Variants in NARS2 observed in about 807,000 individuals in gnomAD.
The protein encoded by NARS2 is asparaginyl-tRNA synthetase.
NARS2 carries 60 observed loss-of-function variants against 62.9 expected under a neutral mutation model. The observed-to-expected ratio is 0.95, with a 90% CI of 0.77 to 1.18. The LOEUF (loss-of-function observed/expected upper bound fraction) is 1.18, where lower values mean the gene tolerates loss of function less well. NARS2 is among the 50% of genes most tolerant of loss of function. The probability of loss-of-function intolerance (pLI) is 0.00; values close to 1 mark genes in which losing one functional copy is unlikely to be tolerated. For missense variants in NARS2, 619 were observed against 576.4 expected, an observed-to-expected ratio of 1.07 and a Z score of -0.76; for synonymous variants, 196 against 200.0, an observed-to-expected ratio of 0.98 and a Z score of 0.17.
chr11:78,540,118 AT>A (rs1241382139), intron 5 of NARS2, among the ~76,000 whole-genome samples: 2 of 152,164 alleles, frequency 1.3e-5, no homozygotes, highest in Non-Finnish European at 2.9e-5. Context: ...CAAAACAAAA[AT>A]TTTTGCTAGG....
intron 4 of NARS2, among the ~76,000 whole-genome samples, chr11:78,560,833 T>C (rs1017860644): frequency 3.9e-5 from 6 of 152,118 alleles, no homozygotes; most frequent in African/African-American, 1.2e-4. Flanking sequence ...TAAAATCTGA[T>C]CAATAACATT....
chr11:78,469,246 C>T lies in NARS2; in HGVS notation c.1026+1G>A. On this transcript the variant is annotated splice_donor_variant, in intron 10 of 13. Coordinates refer to ENST00000281038, the MANE Select transcript of NARS2 (RefSeq NM_024678.6). LOFTEE classifies it high-confidence loss of function. ...ATATATACATACACACAAAATACTA[C>T]CTCTGGGGTAAAGGTGAAGTTCTGG... 1.9e-6 allele frequency: 3 copies of T among 1,602,226 alleles called. No individual in the cohort carries two copies. Among genetic ancestry groups the T allele is most frequent in the East Asian group, 2.2e-5 (1 of 44,756 alleles).
At chr11:78,504,216 C>G (rs541154085) in intron 6 of NARS2, among the ~76,000 whole-genome samples, 2 of 152,282 alleles carry the variant, frequency 1.3e-5, no homozygotes, top group Admixed American at 1.3e-4. Context: ...AGAATAATTA[C>G]CCAGTTGAAG....
At chr11:78,572,008 C>T (rs1259759223) in intron 1 of NARS2, among the ~76,000 whole-genome samples, 1 of 151,994 alleles carries the variant, frequency 6.6e-6, no homozygotes, top group African/African-American at 2.4e-5. Context: ...ATGGTGAAAC[C>T]CTGTCTCTAC....
chr11:78,439,870 T>C (rs2135131502), intron 13 of NARS2, among the ~76,000 whole-genome samples: 1 of 152,222 alleles, frequency 6.6e-6, no homozygotes, highest in East Asian at 1.9e-4. Flanking sequence ...GAAAAGTACT[T>C]GAAGAAAAAG....
chr11:78,494,793 T>G (rs1483057949), intron 6 of NARS2, among the ~76,000 whole-genome samples: 1 of 152,192 alleles, frequency 6.6e-6, no homozygotes, highest in Non-Finnish European at 1.5e-5. Context: ...AATGAAAATT[T>G]TGACCCTGTT....
chr11:78,573,644 C>A (rs1370980932), intron 1 of NARS2: 1 of 152,274 alleles, frequency 6.6e-6, no homozygotes, highest in Non-Finnish European at 1.5e-5. Context: ...ATAATATAAT[C>A]AGCAAGAGAA....
At chr11:78,527,295 A>C (rs947574369) in intron 6 of NARS2, among the ~76,000 whole-genome samples, 3 of 152,312 alleles carry the variant, frequency 2.0e-5, no homozygotes, top group Middle Eastern at 6.8e-3. Context: ...GAAAACTTTG[A>C]TACAAATTCA....
At chr11:78,461,096 G>A (rs1019889104) in intron 11 of NARS2, among the ~76,000 whole-genome samples, 11 of 152,154 alleles carry the variant, frequency 7.2e-5, no homozygotes, top group Middle Eastern at 3.2e-3. Flanking sequence ...TATCTGAGAG[G>A]GGGCTAGTGG....
intron 10 of NARS2, among the ~76,000 whole-genome samples, chr11:78,468,677 T>A (rs1858737581): frequency 1.3e-5 from 2 of 152,106 alleles, no homozygotes; most frequent in South Asian, 4.1e-4. Flanking sequence ...GTACTGGGAT[T>A]ACAGGTGTGA....
chr11:78,460,698 T>C (rs1056842072), intron 11 of NARS2, among the ~76,000 whole-genome samples: 1 of 152,110 alleles, frequency 6.6e-6, no homozygotes, highest in Non-Finnish European at 1.5e-5. Context: ...TCAAATTTGC[T>C]GGGAGGAGAG....
chr11:78,553,487 C>T (rs1856207817), intron 5 of NARS2, among the ~76,000 whole-genome samples: 1 of 152,078 alleles, frequency 6.6e-6, no homozygotes, highest in African/African-American at 2.4e-5. Context: ...AAGGGTTTCA[C>T]CATGTTGGCC....
intron 5 of NARS2, 84 bp from the exon 6 acceptor site, chr11:78,529,020 A>C: frequency 2.3e-6 from 2 of 866,622 alleles, no homozygotes; most frequent in Non-Finnish European, 1.9e-6. Flanking sequence ...ACAACTAAAA[A>C]TCACAATGCA....
chr11:78,454,184 G>C (rs1858070676), intron 11 of NARS2, among the ~76,000 whole-genome samples: 1 of 152,034 alleles, frequency 6.6e-6, no homozygotes, highest in Non-Finnish European at 1.5e-5. Context: ...ATGACCTATG[G>C]GAATGACTTG....
chr11:78,506,880 G>A (rs1011995945), intron 6 of NARS2, among the ~76,000 whole-genome samples: 13 of 152,096 alleles, frequency 8.5e-5, no homozygotes, highest in Non-Finnish European at 1.8e-4. Flanking sequence ...TGGAATACCC[G>A]CAACTTCCAG....
intron 5 of NARS2, among the ~76,000 whole-genome samples, chr11:78,539,346 T>G (rs1003377039): frequency 5.3e-5 from 8 of 152,082 alleles, no homozygotes; most frequent in Admixed American, 2.0e-4. Context: ...GATGTGAGGT[T>G]TGGGGAGACA....
At chr11:78,530,562 C>T (rs894359593) in intron 5 of NARS2, among the ~76,000 whole-genome samples, 1 of 152,218 alleles carries the variant, frequency 6.6e-6, no homozygotes, top group African/African-American at 2.4e-5. Context: ...CAACCTCCAC[C>T]TCCCAGGTTC....
At chr11:78,450,666 CT>C (rs781420225) in intron 11 of NARS2, among the ~76,000 whole-genome samples, 17,319 of 101,610 alleles carry the variant, frequency 0.17, 1,094 homozygotes, top group East Asian at 0.33. Context: ...AAAGCCTTGT[CT>C]TTTTTTTTTT....
chr11:78,522,612 A>T (rs1234354881), intron 6 of NARS2, among the ~76,000 whole-genome samples: 2 of 152,256 alleles, frequency 1.3e-5, no homozygotes, highest in Admixed American at 6.5e-5. Flanking sequence ...TTTAGGAAAA[A>T]AAAAGATGAT....
Sources: allele counts gnomAD v4.1 joint callset (sites outside exome capture counted in the v4.1 genomes callset), GRCh38; gene constraint gnomAD v4.1.1; transcripts MANE v1.5; gene names NCBI Gene and HGNC (gene_info 2026-07-23, HGNC 2026-07-21).